ARHGAP42: variants seen among roughly 807,000 people sequenced by gnomAD.
ARHGAP42 encodes the protein rho GTPase-activating protein 42.
Under a neutral mutation model 125.0 loss-of-function variants are expected in ARHGAP42, and 63 were observed. The observed-to-expected ratio is 0.50, with a 90% CI of 0.41 to 0.62. The LOEUF (loss-of-function observed/expected upper bound fraction) is 0.62, where lower values mean the gene tolerates loss of function less well. ARHGAP42 is among the 20% of genes least tolerant of loss of function. The pLI, the probability that ARHGAP42 is intolerant of heterozygous loss-of-function variation, is 0.00. For missense variants in ARHGAP42, 766 were observed against 1,024.2 expected (o/e 0.75, Z 3.44); for synonymous variants, 339 against 351.0 (o/e 0.97, Z 0.38).
rs75109359 is a variant in ARHGAP42, at chr11:100,762,006, T to A, written c.155-8337T>A. Among the ~76,000 whole-genome samples the A allele has an allele frequency of 3.3e-3, 498 of 152,348 alleles. 4 individuals carry two copies. Among genetic ancestry groups the A allele is most frequent in the African/African-American group, 0.011 (478 of 41,594 alleles). On this transcript the variant is annotated intron_variant, in intron 1 of 23. Transcript: ENST00000298815. ...GTGGTGATCCCTGGATTGGCATCCATGTCTCTCTGACGCTTGTGCAGACGT... is the reference window on the plus strand; with the variant it reads ...GTGGTGATCCCTGGATTGGCATCCAAGTCTCTCTGACGCTTGTGCAGACGT...
At chr11:100,868,778 T>C (rs1280194342) in intron 4 of ARHGAP42, among the ~76,000 whole-genome samples, 3 of 152,180 alleles carry the variant, frequency 2.0e-5, no homozygotes, top group African/African-American at 4.8e-5. Flanking sequence ...TTGGGCATTC[T>C]AGTTGCCTTA....
chr11:100,901,347 C>G (rs565322577), intron 4 of ARHGAP42, among the ~76,000 whole-genome samples: 3 of 152,206 alleles, frequency 2.0e-5, no homozygotes, highest in African/African-American at 7.2e-5. Context: ...AGGTGTCTCC[C>G]AATTAGGCTA....
chr11:100,897,254 A>C (rs1054658519), intron 4 of ARHGAP42, among the ~76,000 whole-genome samples: 2 of 152,208 alleles, frequency 1.3e-5, no homozygotes, highest in Non-Finnish European at 2.9e-5. Flanking sequence ...GTTGTAGTAT[A>C]GTTGGAAGTC....
intron 3 of ARHGAP42, among the ~76,000 whole-genome samples, chr11:100,858,844 C>T (rs1351952749): frequency 6.6e-6 from 1 of 152,012 alleles, no homozygotes; most frequent in Non-Finnish European, 1.5e-5. Context: ...CATTCCCCTC[C>T]AGAATAATGG....
At chr11:100,871,359 A>G (rs12798154) in intron 4 of ARHGAP42, among the ~76,000 whole-genome samples, 16,189 of 151,836 alleles carry the variant, frequency 0.11, 897 homozygotes, top group African/African-American at 0.13. Context: ...CAGCCTGGCC[A>G]ACTGGTGAAA....
At chr11:100,837,809 C>G (rs1864846218) in intron 3 of ARHGAP42, among the ~76,000 whole-genome samples, 1 of 149,698 alleles carries the variant, frequency 6.7e-6, no homozygotes, top group African/African-American at 2.4e-5. Context: ...CAAGGGTCAG[C>G]AGTCAGTTAA....
At chr11:100,759,815 CTG>C (rs916878553) in intron 1 of ARHGAP42, among the ~76,000 whole-genome samples, 1 of 152,048 alleles carries the variant, frequency 6.6e-6, no homozygotes, top group African/African-American at 2.4e-5. Flanking sequence ...AAATGCAAAA[CTG>C]TGTAAAATTA....
rs1565284108 is a variant in ARHGAP42 at position 100,936,242 on chromosome 11, C to T, written c.742C>T (p.Arg248Trp). Reference protein sequence around the residue: ...NFESTRQEVERLMQRMKSANQ... With the variant: ...NFESTRQEVEWLMQRMKSANQ... ...TGAAAGTACTCGACAAGAGGTAGAG[C>T]GGTTGATGCAAAGGATGAAATCTGC... Residue 248 changes from arginine to tryptophan, a missense_variant, in exon 8 of 24, where the codon CGG becomes TGG. By Grantham distance (101) the Arg-to-Trp change is moderately radical. Transcript: ENST00000298815. 10 of 1,551,554 alleles carry T rather than the reference C, an allele frequency of 6.4e-6. No individual in the cohort carries two copies. The highest frequency in any genetic ancestry group is 1.2e-5 in the South Asian group (1 of 84,056).
At chr11:100,959,799 A>G (rs936119148) in intron 12 of ARHGAP42, 84 bp from the exon 13 acceptor site, 26 of 1,293,386 alleles carry the variant, frequency 2.0e-5, no homozygotes, top group South Asian at 1.7e-4. Context: ...CTGTTGAGTC[A>G]TAAAGGCCCA....
chr11:100,912,232 T>C (rs75065719), intron 4 of ARHGAP42, among the ~76,000 whole-genome samples: 8,003 of 152,258 alleles, frequency 0.053, 387 homozygotes, highest in East Asian at 0.25. Flanking sequence ...GTTCAAAAAC[T>C]GCAATTACTT....
chr11:100,965,167 A>G (rs1458280021), intron 16 of ARHGAP42, among the ~76,000 whole-genome samples: 1 of 152,082 alleles, frequency 6.6e-6, no homozygotes, highest in Non-Finnish European at 1.5e-5. Flanking sequence ...CCGCCCAATG[A>G]TTCCATTACC....
At chr11:100,718,665 G>C (rs1428647885) in intron 1 of ARHGAP42, among the ~76,000 whole-genome samples, 1 of 152,138 alleles carries the variant, frequency 6.6e-6, no homozygotes, top group Non-Finnish European at 1.5e-5. Flanking sequence ...AATTAAACTG[G>C]AATCATCTAC....
At chr11:100,726,780 G>A (rs1861869655) in intron 1 of ARHGAP42, among the ~76,000 whole-genome samples, 1 of 152,194 alleles carries the variant, frequency 6.6e-6, no homozygotes, top group African/African-American at 2.4e-5. Context: ...TTGTGGAGGT[G>A]ATTGGAATTA....
intron 5 of ARHGAP42, among the ~76,000 whole-genome samples, chr11:100,919,404 T>C (rs768143124): frequency 2.6e-5 from 4 of 152,084 alleles, no homozygotes; most frequent in Non-Finnish European, 5.9e-5. Flanking sequence ...AGGGCCAACC[T>C]TGTAAGCAAA....
chr11:100,755,753 AAGAG>A (rs2120353994), intron 1 of ARHGAP42, among the ~76,000 whole-genome samples: 1 of 152,338 alleles, frequency 6.6e-6, no homozygotes, highest in Admixed American at 6.5e-5. Context: ...ATGAAAAACT[AAGAG>A]AGAACTTATT....
intron 1 of ARHGAP42, among the ~76,000 whole-genome samples, chr11:100,725,662 G>T (rs1398858874): frequency 6.6e-6 from 1 of 151,422 alleles, no homozygotes; most frequent in Non-Finnish European, 1.5e-5. Context: ...GGTGGCCCGG[G>T]CGCAGTGGCT....
chr11:100,749,625 C>G (rs1023788510), intron 1 of ARHGAP42, among the ~76,000 whole-genome samples: 1 of 152,190 alleles, frequency 6.6e-6, no homozygotes, highest in Non-Finnish European at 1.5e-5. Flanking sequence ...GGCTGCTCCC[C>G]CAAGGGAGAA....
At chr11:100,972,844 T>G (rs948333875) in intron 17 of ARHGAP42, among the ~76,000 whole-genome samples, 2 of 152,218 alleles carry the variant, frequency 1.3e-5, no homozygotes, top group African/African-American at 2.4e-5. Context: ...AGTCTATTCT[T>G]AACTGTTTGT....
intron 1 of ARHGAP42, among the ~76,000 whole-genome samples, chr11:100,720,642 A>G (rs1279225634): frequency 6.6e-6 from 1 of 151,602 alleles, no homozygotes; most frequent in Non-Finnish European, 1.5e-5. Context: ...AAATGAGGAT[A>G]TTTAACGTTA....
Sources: allele counts gnomAD v4.1 joint callset (sites outside exome capture counted in the v4.1 genomes callset), GRCh38; gene constraint gnomAD v4.1.1; transcripts MANE v1.5; gene names NCBI Gene and HGNC (gene_info 2026-07-23, HGNC 2026-07-21).